The following ANGPTL5 variants were observed in gnomAD, a reference collection of about 807,000 sequenced individuals.
ANGPTL5 encodes the protein angiopoietin like 5.
ANGPTL5 carries 34 observed loss-of-function variants against 39.4 expected under a neutral mutation model. That is an observed-to-expected ratio of 0.86 (90% confidence interval 0.66 to 1.15). The LOEUF is 1.15. ANGPTL5 is among the 50% of genes most tolerant of loss of function. ANGPTL5 has a pLI of 0.00. For missense variants in ANGPTL5, 467 were observed against 457.5 expected (o/e 1.02, Z -0.19); for synonymous variants, 146 against 152.1 (o/e 0.96, Z 0.29).
chr11:101,906,880 A>T (rs113094218), intron 3 of ANGPTL5, among the ~76,000 whole-genome samples: 73 of 152,084 alleles, frequency 4.8e-4, no homozygotes, highest in African/African-American at 1.5e-3. Context: ...GAAGCCTGAG[A>T]CCCTTTTGTT....
intron 2 of ANGPTL5, 72 bp from the exon 3 acceptor site, chr11:101,907,319 A>G: frequency 1.0e-6 from 1 of 963,148 alleles, no homozygotes; most frequent in South Asian, 2.0e-5. Flanking sequence ...ATAATAAAAA[A>G]GACTATAGAG....
At chr11:101,915,386 C>T (rs1352616081) in intron 1 of ANGPTL5, 2 of 1,613,336 alleles carry the variant, frequency 1.2e-6, no homozygotes, top group East Asian at 2.2e-5. Context: ...GGGAGAGCGG[C>T]GGGCATCACC....
chr11:101,902,819 C>A, intron 5 of ANGPTL5, 98 bp from the exon 6 acceptor site: 2 of 704,970 alleles, frequency 2.8e-6, no homozygotes, highest in Non-Finnish European at 4.7e-6. Flanking sequence ...TCATAATTTT[C>A]ATTATTATAT....
At chr11:101,915,218 G>A in intron 1 of ANGPTL5, 1 of 1,599,072 alleles carries the variant, frequency 6.3e-7, no homozygotes. Context: ...AGCAGGAGGA[G>A]GAGGAAGCCG....
At position 101,891,242 on chromosome 11, in the gene ANGPTL5, TATC is replaced by T. The variant is rs1484833788; in HGVS notation, c.*34_*36del. On this transcript the variant is annotated 3_prime_UTR_variant, in exon 9 of 9. Transcript: ENST00000334289. The stretch of plus-strand genomic sequence containing the variant: ...AAACTTTTAAAAATCTTTAATATAT[TATC>T]ATTGTAGAACTTGCATTACAATGTT... The T allele has an allele frequency of 5.1e-6, 8 of 1,554,574 alleles. No homozygotes were observed. Among genetic ancestry groups the T allele is most frequent in the Admixed American group, 1.7e-5 (1 of 58,298 alleles).
At chr11:101,915,361 C>T in intron 1 of ANGPTL5, 2 of 1,613,888 alleles carry the variant, frequency 1.2e-6, no homozygotes, top group Non-Finnish European at 1.7e-6. Context: ...CTCGACAGAG[C>T]CCCCCTCGGC....
rs142769520 is a variant in ANGPTL5, at chr11:101,914,486, A to G, written c.-93+1533T>C. Among the ~76,000 whole-genome samples, 237 of 152,332 alleles carry G rather than the reference A, an allele frequency of 1.6e-3. 1 individual carries two copies. Among genetic ancestry groups the G allele is most frequent in the African/African-American group, 5.2e-3 (217 of 41,578 alleles). On this transcript the variant is annotated intron_variant, in intron 1 of 8. Transcript: ENST00000334289. ...TGCGAGAACCATTAGGAGGCTTTGA[A>G]ATGTAGACCTTCTAAGTAGGGCAAA...
At chr11:101,905,020 A>AT in intron 4 of ANGPTL5, 113 bp from the exon 5 acceptor site, 3 of 760,460 alleles carry the variant, frequency 3.9e-6, no homozygotes, top group Non-Finnish European at 6.8e-6. Context: ...TTCTAGATTG[A>AT]TTTCTTACTG....
intron 7 of ANGPTL5, among the ~76,000 whole-genome samples, chr11:101,899,559 T>C (rs1454867624): frequency 6.6e-6 from 1 of 152,218 alleles, no homozygotes; most frequent in Non-Finnish European, 1.5e-5. Flanking sequence ...TATAACTACC[T>C]AATTCAAGAA....
At chr11:101,914,248 A>C (rs1213849265) in intron 1 of ANGPTL5, among the ~76,000 whole-genome samples, 1 of 152,274 alleles carries the variant, frequency 6.6e-6, no homozygotes, top group Non-Finnish European at 1.5e-5. Context: ...AAATACAGTC[A>C]GAATTTATAT....
intron 7 of ANGPTL5, among the ~76,000 whole-genome samples, chr11:101,896,248 T>C (rs1301218392): frequency 1.3e-5 from 2 of 151,920 alleles, no homozygotes; most frequent in African/African-American, 4.8e-5. Context: ...AGTAGTGCGA[T>C]CTCGGCTCAC....
At chr11:101,903,343 TGTAAACAC>T (rs1273409784) in intron 5 of ANGPTL5, among the ~76,000 whole-genome samples, 1 of 152,148 alleles carries the variant, frequency 6.6e-6, no homozygotes, top group East Asian at 1.9e-4. Flanking sequence ...TCCCCAGGAT[TGTAAACAC>T]GTGTATGTGG....
chr11:101,899,569 A>G (rs1040503902), intron 7 of ANGPTL5, among the ~76,000 whole-genome samples: 2 of 152,258 alleles, frequency 1.3e-5, no homozygotes, highest in African/African-American at 4.8e-5. Context: ...TAATTCAAGA[A>G]GAAGCACTCA....
At chr11:101,897,279 C>A (rs143625995) in intron 7 of ANGPTL5, among the ~76,000 whole-genome samples, 2 of 152,068 alleles carry the variant, frequency 1.3e-5, no homozygotes, top group East Asian at 1.9e-4. Context: ...GGATAGATTG[C>A]GAAAATTTTC....
intron 5 of ANGPTL5, 117 bp downstream of exon 5, chr11:101,904,697 G>T: frequency 1.1e-6 from 1 of 883,284 alleles, no homozygotes. Flanking sequence ...CCTCCAGTCT[G>T]TTAGAGAACG....
intron 7 of ANGPTL5, 104 bp from the exon 8 acceptor site, chr11:101,895,168 G>T (rs774635838): frequency 3.8e-5 from 36 of 959,714 alleles, no homozygotes; most frequent in Non-Finnish European, 5.3e-5. Flanking sequence ...CTCTGAGATG[G>T]CTCAGATAAG....
chr11:101,901,496 G>A (rs1303355218), intron 6 of ANGPTL5, among the ~76,000 whole-genome samples: 1 of 152,066 alleles, frequency 6.6e-6, no homozygotes, highest in Non-Finnish European at 1.5e-5. Flanking sequence ...AAGGACCTCT[G>A]TAGGGCACCC....
intron 7 of ANGPTL5, among the ~76,000 whole-genome samples, chr11:101,899,371 G>T (rs1219106496): frequency 3.3e-5 from 5 of 152,176 alleles, no homozygotes; most frequent in Non-Finnish European, 5.9e-5. Flanking sequence ...AAGTGCTGGG[G>T]TTACAGGCGT....
chr11:101,897,628 C>CT (rs949532703), intron 7 of ANGPTL5, among the ~76,000 whole-genome samples: 17 of 152,180 alleles, frequency 1.1e-4, no homozygotes, highest in African/African-American at 3.4e-4. Context: ...TTCCCCATTG[C>CT]TTTTTTTGTC....
Sources: allele counts gnomAD v4.1 joint callset (sites outside exome capture counted in the v4.1 genomes callset), GRCh38; gene constraint gnomAD v4.1.1; transcripts MANE v1.5; gene names NCBI Gene and HGNC (gene_info 2026-07-23, HGNC 2026-07-21).